NIBAN2: variants seen among roughly 807,000 people sequenced by gnomAD.
The protein encoded by NIBAN2 is protein Niban 2.
A neutral mutation model predicts 81.8 loss-of-function variants in NIBAN2; 36 were observed. The ratio of observed to expected loss-of-function variants is 0.44; its 90% CI spans 0.34 to 0.58. The LOEUF (loss-of-function observed/expected upper bound fraction) is 0.58. NIBAN2 is among the 20% of genes least tolerant of loss of function. The pLI is 0.02. For missense variants in NIBAN2, 897 were observed against 1,014.1 expected (o/e 0.88, Z 1.57); for synonymous variants, 445 against 441.6 (o/e 1.01, Z -0.10).
intron 1 of NIBAN2, among the ~76,000 whole-genome samples, chr9:127,533,537 G>A (rs533833291): frequency 6.6e-6 from 1 of 152,326 alleles, no homozygotes; most frequent in South Asian, 2.1e-4. Flanking sequence ...GGAGGCTGAG[G>A]TGGGAGGGTC....
At chr9:127,537,844 C>A (rs1056389456) in intron 1 of NIBAN2, among the ~76,000 whole-genome samples, 1 of 152,212 alleles carries the variant, frequency 6.6e-6, no homozygotes, top group Non-Finnish European at 1.5e-5. Context: ...CCTGCCGAGG[C>A]CCCTCACAGA....
At chr9:127,523,636 CT>C in intron 5 of NIBAN2, 42 bp downstream of exon 5, 1 of 1,584,370 alleles carries the variant, frequency 6.3e-7, no homozygotes, top group Non-Finnish European at 8.6e-7. Context: ...AACCCAGGTC[CT>C]GCCCCTCCCT....
intron 3 of NIBAN2, among the ~76,000 whole-genome samples, chr9:127,526,398 C>CA (rs71495649): frequency 0.58 from 53,119 of 92,176 alleles, 14,702 homozygotes; most frequent in Non-Finnish European, 0.63. Flanking sequence ...GACTTCATCT[C>CA]AAAAAAAAAA....
Position 127,517,215 on chromosome 9 carries a change from A to G in NIBAN2, c.707T>C (p.Ile236Thr). The G allele has an allele frequency of 6.2e-7, 1 of 1,613,512 alleles. No homozygotes were observed. The highest frequency in any genetic ancestry group is 8.5e-7 in the Non-Finnish European group (1 of 1,179,838). Residue 236 changes from isoleucine (I) to threonine (T), a missense_variant and splice_region_variant, in exon 7 of 14, where the codon ATC becomes ACC. Ile to Thr is a moderately conservative substitution (Grantham distance 89, BLOSUM62 -1). Transcript: ENST00000373312. This position sits in a 1 kb window ranked among gnomAD's most constrained non-coding sequence, Gnocchi z 4.0. ...WEMLCGNEVQILSNLVMEELG... is the reference protein window; with the variant it reads ...WEMLCGNEVQTLSNLVMEELG... ...CTCCTCCATCACCAGGTTGCTCAGG[A>G]TCTAGGTTGAGGAGGCACAAGCCAG...
Position 127,507,994 on chromosome 9 carries a change from G to A in NIBAN2, c.1543-16C>T, listed in dbSNP as rs774287879. The A allele has an allele frequency of 4.0e-5, 65 of 1,613,574 alleles. No individual in the cohort carries two copies. The highest frequency in any genetic ancestry group is 4.9e-5 in the Non-Finnish European group (58 of 1,179,698). On this transcript the variant is annotated splice_polypyrimidine_tract_variant and intron_variant, in intron 12 of 13. Coordinates refer to ENST00000373312, the MANE Select transcript of NIBAN2 (RefSeq NM_022833.4). This position sits in a 1 kb window ranked among gnomAD's most constrained non-coding sequence, Gnocchi z 6.8. ...GGGGCAGCTCCTGCCCGGGTGGGGC[G>A]GCAGAGATGAGAGGTCAGGGCCAAG...
chr9:127,510,030 T>TC, intron 9 of NIBAN2, 116 bp downstream of exon 9: 1 of 986,434 alleles, frequency 1.0e-6, no homozygotes, highest in South Asian at 1.7e-5. Context: ...CCCCTCCCCG[T>TC]CTACAGGGAC....
At chr9:127,573,330 G>A (rs920528894), upstream of NIBAN2, among the ~76,000 whole-genome samples, 1 of 151,638 alleles carries the variant, frequency 6.6e-6, no homozygotes, top group African/African-American at 2.4e-5. Flanking sequence ...TTTTCACTCT[G>A]GAAAGATTGT....
At chr9:127,569,215 T>C (rs1588194779), upstream of NIBAN2, 2 of 409,192 alleles carry the variant, frequency 4.9e-6, no homozygotes, top group Non-Finnish European at 5.9e-6. Flanking sequence ...CGCCCCGCCC[T>C]CGGTCCTGCA....
intron 1 of NIBAN2, among the ~76,000 whole-genome samples, chr9:127,576,626 G>A (rs7875321): frequency 0.028 from 4,189 of 151,236 alleles, 155 homozygotes; most frequent in African/African-American, 0.08. Context: ...AAGAGATGAG[G>A]ATGAGATCAG....
At chr9:127,562,297 G>A (rs556182213) in intron 1 of NIBAN2, among the ~76,000 whole-genome samples, 8 of 152,286 alleles carry the variant, frequency 5.3e-5, no homozygotes, top group Admixed American at 2.0e-4. Context: ...ATAGCAGAAC[G>A]TGGTTTAAAT....
intron 9 of NIBAN2, 105 bp downstream of exon 9, chr9:127,510,041 G>A (rs1836703858): frequency 7.4e-6 from 8 of 1,079,802 alleles, no homozygotes; most frequent in Middle Eastern, 4.4e-4. Flanking sequence ...CTACAGGGAC[G>A]GCCTTGGAGG....
chr9:127,543,123 G>C (rs1837411698), intron 1 of NIBAN2, among the ~76,000 whole-genome samples: 1 of 152,220 alleles, frequency 6.6e-6, no homozygotes. Flanking sequence ...CCCTGCGTGA[G>C]CCAGCCCTCA....
intron 4 of NIBAN2, chr9:127,524,760 T>A (rs1195676551): frequency 6.6e-6 from 2 of 305,280 alleles, no homozygotes; most frequent in Non-Finnish European, 1.2e-5. Flanking sequence ...CCCGTAAGGC[T>A]TCTAGGGAAT....
chr9:127,525,056 A>T lies in NIBAN2; in HGVS notation c.421+2T>A. Reference sequence around the variant, plus strand: ...TGTGGCCTGGGATGGGTGCTCCTTTACCTGGTAAGGAGTTGCCAATGAGCT... The same window carrying T: ...TGTGGCCTGGGATGGGTGCTCCTTTTCCTGGTAAGGAGTTGCCAATGAGCT... On this transcript the variant is annotated splice_donor_variant, in intron 4 of 13. Transcript: ENST00000373312. LOFTEE classifies it high-confidence loss of function. 2 of 1,608,248 alleles carry T rather than the reference A, an allele frequency of 1.2e-6. No homozygotes were observed. The highest frequency in any genetic ancestry group is 1.7e-6 in the Non-Finnish European group (2 of 1,174,658).
chr9:127,571,342 T>A (rs569121293), upstream of NIBAN2, among the ~76,000 whole-genome samples: 3 of 152,178 alleles, frequency 2.0e-5, no homozygotes, highest in African/African-American at 7.2e-5. Flanking sequence ...AGACCTTCTG[T>A]CACATGTCAC....
intron 1 of NIBAN2, among the ~76,000 whole-genome samples, chr9:127,565,852 G>A (rs4836567): frequency 0.056 from 8,354 of 150,296 alleles, 438 homozygotes; most frequent in African/African-American, 0.13. Context: ...CTAGCACTTT[G>A]GGAGGCCAAG....
At chr9:127,569,358 C>T (rs1317807589), upstream of NIBAN2, among the ~76,000 whole-genome samples, 2 of 151,752 alleles carry the variant, frequency 1.3e-5, no homozygotes, top group Non-Finnish European at 2.9e-5. Flanking sequence ...GAGAAGGTCC[C>T]AGAAAGGGAG....
intron 5 of NIBAN2, among the ~76,000 whole-genome samples, chr9:127,518,970 T>C (rs1380951062): frequency 2.6e-5 from 4 of 151,554 alleles, no homozygotes; most frequent in African/African-American, 9.7e-5. Context: ...AGGTCAGGAG[T>C]TCGAGACCAG....
In NIBAN2 at chr9:127,513,739, G is replaced by A. The variant is rs117434919; in HGVS notation, c.973+3118C>T. On this transcript the variant is annotated intron_variant, in intron 8 of 13. Coordinates refer to ENST00000373312, the MANE Select transcript of NIBAN2 (RefSeq NM_022833.4). ...AAATAACCATAAAAATGGGCAACCA[G>A]CAGCCCTCGTGCTCTGTCTACGCAG... Among the ~76,000 whole-genome samples the A allele has an allele frequency of 2.2e-3, 334 of 152,312 alleles. 3 individuals carry two copies. In the East Asian group the frequency reaches 0.042, roughly 19 times the overall value.
Sources: gnomAD v4.1 joint callset for allele counts (sites outside exome capture counted in the v4.1 genomes callset) on GRCh38, gnomAD v4.1.1 for gene constraint, Gnocchi (gnomAD v3.1) non-coding constraint, MANE v1.5 for transcripts, NCBI Gene and HGNC (gene_info 2026-07-23, HGNC 2026-07-21) for gene names.